AOPEP: variants seen among roughly 807,000 people sequenced by gnomAD.
AOPEP encodes the protein aminopeptidase O.
AOPEP carries 77 observed loss-of-function variants against 98.1 expected under a neutral mutation model. That is an observed-to-expected ratio of 0.78 (90% confidence interval 0.65 to 0.95). The LOEUF (loss-of-function observed/expected upper bound fraction) is 0.95. AOPEP is among the 40% of genes least tolerant of loss of function. AOPEP has a pLI of 0.00. For missense variants in AOPEP, 1,024 were observed against 1,024.7 expected (o/e 1.00, Z 0.01); for synonymous variants, 346 against 365.3 (o/e 0.95, Z 0.60).
intron 7 of AOPEP, among the ~76,000 whole-genome samples, chr9:94,936,813 C>T (rs1468474471): frequency 1.3e-5 from 2 of 152,114 alleles, no homozygotes; most frequent in African/African-American, 2.4e-5. Context: ...ATGGCTGGCA[C>T]GTTGGGTTTA....
At chr9:95,107,532 A>C in the AOPEP span, 1 of 561,368 alleles carries the variant, frequency 1.8e-6, no homozygotes, top group Admixed American at 3.1e-5. Context: ...GTATAAAAGG[A>C]AACAGAGAAA....
chr9:94,891,616 A>G (rs2048891435), intron 5 of AOPEP, among the ~76,000 whole-genome samples: 1 of 152,134 alleles, frequency 6.6e-6, no homozygotes, highest in African/African-American at 2.4e-5. Context: ...CCTTAAAGGG[A>G]AATGCAGAAC....
chr9:94,747,726 A>C (rs926776995), intron 1 of AOPEP, among the ~76,000 whole-genome samples: 2 of 152,228 alleles, frequency 1.3e-5, no homozygotes, highest in Non-Finnish European at 2.9e-5. Context: ...TACCAGGAAC[A>C]ATTTTTAGCA....
the AOPEP span, among the ~76,000 whole-genome samples, chr9:95,122,345 A>T: frequency 6.6e-6 from 1 of 152,254 alleles, no homozygotes; most frequent in Admixed American, 6.5e-5. Context: ...GGTTTTGATT[A>T]GCTAAAAATG....
At chr9:95,099,251 A>T in the AOPEP span, 1 of 219,046 alleles carries the variant, frequency 4.6e-6, no homozygotes, top group Admixed American at 5.8e-5. Context: ...CAAAAACTAA[A>T]CTATCAGGGA....
chr9:94,917,767 TC>T (rs1447551373), intron 5 of AOPEP, among the ~76,000 whole-genome samples: 15 of 152,166 alleles, frequency 9.9e-5, no homozygotes, highest in African/African-American at 3.6e-4. Context: ...TGTCTGTCCT[TC>T]CTATTTTCTC....
At chr9:95,092,643 C>T in the AOPEP span, among the ~76,000 whole-genome samples, 8 of 152,306 alleles carry the variant, frequency 5.3e-5, no homozygotes, top group South Asian at 2.1e-4. Context: ...CACTTTAAAG[C>T]GCAGCCGAGG....
At chr9:95,083,150 C>T in intron 16 of AOPEP, 1 of 176,218 alleles carries the variant, frequency 5.7e-6, no homozygotes. Context: ...CAAAGCCTAG[C>T]TTCTGCAAGC....
At chr9:95,041,446 GGTGT>G (rs57837059) in intron 13 of AOPEP, among the ~76,000 whole-genome samples, 199 of 142,102 alleles carry the variant, frequency 1.4e-3, no homozygotes, top group African/African-American at 4.8e-3. Flanking sequence ...AGTCCTTGGG[GGTGT>G]GTGTGTGTGT....
At chr9:94,910,825 G>T (rs536474605) in intron 5 of AOPEP, among the ~76,000 whole-genome samples, 4 of 152,206 alleles carry the variant, frequency 2.6e-5, no homozygotes, top group South Asian at 4.1e-4. Flanking sequence ...ATATGAAATT[G>T]CCCATTTTTT....
rs12683030 is a variant in AOPEP, at chr9:95,082,826, C to T, written c.*4+107C>T. On this transcript the variant is annotated intron_variant, in intron 16 of 16. Transcript: ENST00000375315. ...AGTTAGCCAAGACTACCCGCAGCAT[C>T]AATAGTCGGCTCCCTGGCCCAGGGC... 4.6e-3 allele frequency: 5,959 copies of T among 1,290,796 alleles called. 161 individuals are homozygous for T. In the East Asian group the frequency reaches 0.052, roughly 11 times the overall value. 80.0% of individuals were successfully genotyped at this position (1,290,796 alleles called of 1,614,324 possible).
At position 95,086,824 on chromosome 9, in the gene AOPEP, T is replaced by G; in HGVS notation, c.*147T>G. Reference sequence around the variant, plus strand: ...CCTGTTCACATCTTGGTGCTTCTCTTTCCCAGAGGCTGGTCCCAGCCAGGC... The same window carrying G: ...CCTGTTCACATCTTGGTGCTTCTCTGTCCCAGAGGCTGGTCCCAGCCAGGC... On this transcript the variant is annotated 3_prime_UTR_variant, in exon 17 of 17. Transcript: ENST00000375315. The G allele has an allele frequency of 2.0e-6, 2 of 987,982 alleles. No homozygotes were observed. The highest frequency in any genetic ancestry group is 2.4e-6 in the Non-Finnish European group (2 of 830,120). 61.2% of individuals were successfully genotyped at this position (987,982 alleles called of 1,614,324 possible).
intron 5 of AOPEP, among the ~76,000 whole-genome samples, chr9:94,802,750 T>C (rs1294709558): frequency 6.6e-6 from 1 of 152,236 alleles, no homozygotes; most frequent in Non-Finnish European, 1.5e-5. Flanking sequence ...ACCATTTTTT[T>C]CCCTTCCTTT....
At chr9:95,075,867 C>T (rs2069000469) in intron 14 of AOPEP, among the ~76,000 whole-genome samples, 1 of 152,190 alleles carries the variant, frequency 6.6e-6, no homozygotes, top group Admixed American at 6.5e-5. Context: ...CGACACCCTG[C>T]CTCAAACAAA....
Position 94,819,455 on chromosome 9 carries a change from T to C in AOPEP, c.1364+18453T>C, listed in dbSNP as rs559505154. 3.2e-4 allele frequency among the ~76,000 whole-genome samples: 49 copies of C among 152,354 alleles called. 1 individual carries two copies. In the South Asian group the frequency reaches 9.9e-3, roughly 31 times the overall value. On this transcript the variant is annotated intron_variant, in intron 5 of 16. Coordinates refer to ENST00000375315, the MANE Select transcript of AOPEP (RefSeq NM_001193329.3). Reference sequence around the variant, plus strand: ...CTGAATGCCTAGCCCTCTCCGCCTGTGTTCACAGGCCAGCCCTCCCCGGGG... The same window carrying C: ...CTGAATGCCTAGCCCTCTCCGCCTGCGTTCACAGGCCAGCCCTCCCCGGGG...
intron 5 of AOPEP, among the ~76,000 whole-genome samples, chr9:94,896,527 G>GGTTA (rs1204660135): frequency 6.6e-6 from 1 of 152,200 alleles, no homozygotes; most frequent in African/African-American, 2.4e-5. Flanking sequence ...GGGTGATCAA[G>GGTTA]GTTAGCATCA....
At chr9:95,078,350 C>T (rs779403933) in intron 14 of AOPEP, among the ~76,000 whole-genome samples, 5 of 152,116 alleles carry the variant, frequency 3.3e-5, no homozygotes, top group Non-Finnish European at 7.4e-5. Flanking sequence ...AAGGAAAGCA[C>T]AGAAAGAAAA....
intron 7 of AOPEP, among the ~76,000 whole-genome samples, chr9:94,947,300 G>C (rs1052315511): frequency 6.7e-6 from 1 of 148,468 alleles, no homozygotes. Flanking sequence ...TCTTTTAAGA[G>C]ATGGGTCTTT....
At chr9:94,810,975 A>T (rs76935047) in intron 5 of AOPEP, among the ~76,000 whole-genome samples, 1 of 152,164 alleles carries the variant, frequency 6.6e-6, no homozygotes, top group African/African-American at 2.4e-5. Context: ...CCTTCAGCCC[A>T]TCAAAGGACC....
Sources: gnomAD v4.1 joint callset for allele counts (sites outside exome capture counted in the v4.1 genomes callset) on GRCh38, gnomAD v4.1.1 for gene constraint, MANE v1.5 for transcripts, NCBI Gene and HGNC (gene_info 2026-07-23, HGNC 2026-07-21) for gene names.